The following NCALD variants were observed in gnomAD, a reference collection of about 807,000 sequenced individuals.
The protein encoded by NCALD is neurocalcin delta.
Under a neutral mutation model 18.6 loss-of-function variants are expected in NCALD, and 10 were observed. That is an observed-to-expected ratio of 0.54 (90% CI 0.33 to 0.91). NCALD has a LOEUF of 0.91. Ranked by LOEUF, NCALD falls within the 40% of genes least tolerant of loss-of-function variation. The probability of loss-of-function intolerance (pLI) is 0.03; values close to 1 mark genes in which losing one functional copy is unlikely to be tolerated. For missense variants in NCALD, 184 were observed against 247.6 expected, an observed-to-expected ratio of 0.74 and a Z score of 1.72; for synonymous variants, 88 against 87.4, an observed-to-expected ratio of 1.01 and a Z score of -0.04.
intron 3 of NCALD, chr8:101,691,432 A>C: frequency 5.1e-6 from 5 of 985,284 alleles, no homozygotes; most frequent in Non-Finnish European, 6.0e-6. Context: ...GCCTGTGATC[A>C]ACACACAGTT....
chr8:102,068,940 A>ACACTG (rs1397077304), intron 1 of NCALD, among the ~76,000 whole-genome samples: 1 of 152,204 alleles, frequency 6.6e-6, no homozygotes, highest in African/African-American at 2.4e-5. Context: ...AGAAAGACAT[A>ACACTG]CACTGCATCA....
chr8:102,086,450 A>G (rs1824739974), intron 1 of NCALD, among the ~76,000 whole-genome samples: 1 of 152,176 alleles, frequency 6.6e-6, no homozygotes, highest in African/African-American at 2.4e-5. Context: ...AGACACATCT[A>G]TACCATCATT....
At chr8:101,989,855 AAGAAAAAG>A (rs1820974977) in intron 2 of NCALD, among the ~76,000 whole-genome samples, 3 of 152,238 alleles carry the variant, frequency 2.0e-5, no homozygotes, top group Admixed American at 6.5e-5. Context: ...CAGAAATGAT[AAGAAAAAG>A]AATTTGCATT....
chr8:101,863,272 G>T (rs1815620649), intron 4 of NCALD, among the ~76,000 whole-genome samples: 1 of 152,110 alleles, frequency 6.6e-6, no homozygotes, highest in African/African-American at 2.4e-5. Flanking sequence ...TATCAACCTT[G>T]GGGTTTTTCT....
intron 2 of NCALD, among the ~76,000 whole-genome samples, chr8:101,949,209 C>A (rs998628099): frequency 1.3e-5 from 2 of 152,098 alleles, no homozygotes; most frequent in African/African-American, 4.8e-5. Flanking sequence ...CTTTAATTTA[C>A]CCCACAATCC....
At chr8:101,834,374 T>C (rs1448939330) in intron 4 of NCALD, among the ~76,000 whole-genome samples, 2 of 152,232 alleles carry the variant, frequency 1.3e-5, no homozygotes, top group Admixed American at 6.5e-5. Flanking sequence ...CGAGCCAGGC[T>C]TCACGTGAAG....
chr8:101,958,577 C>T (rs926623943), intron 2 of NCALD, among the ~76,000 whole-genome samples: 1 of 152,188 alleles, frequency 6.6e-6, no homozygotes, highest in Admixed American at 6.5e-5. Flanking sequence ...TTGCCATATG[C>T]CAGAACCTGT....
chr8:101,739,275 A>AC (rs888371542), intron 1 of NCALD, among the ~76,000 whole-genome samples: 15 of 150,320 alleles, frequency 1.0e-4, no homozygotes, highest in Non-Finnish European at 1.8e-4. Context: ...GTCCTCTCTT[A>AC]CCCCCCCAGT....
At chr8:101,876,105 G>C (rs1003537157) in intron 4 of NCALD, among the ~76,000 whole-genome samples, 1 of 152,172 alleles carries the variant, frequency 6.6e-6, no homozygotes, top group Admixed American at 6.5e-5. Flanking sequence ...GTCAAGCTAG[G>C]ATGACTGTGG....
chr8:101,824,107 C>T (rs75642180), intron 4 of NCALD, among the ~76,000 whole-genome samples: 2,362 of 152,266 alleles, frequency 0.016, 91 homozygotes, highest in East Asian at 0.12. Flanking sequence ...AAGGGAAGAA[C>T]AAAATACCTC....
intron 4 of NCALD, among the ~76,000 whole-genome samples, chr8:101,806,968 C>T (rs867783081): frequency 2.3e-4 from 35 of 151,780 alleles, no homozygotes; most frequent in African/African-American, 8.0e-4. Flanking sequence ...ACTGACTTAG[C>T]AGAAACAATG....
intron 4 of NCALD, among the ~76,000 whole-genome samples, chr8:101,882,398 A>G (rs2131465221): frequency 6.6e-6 from 1 of 152,260 alleles, no homozygotes; most frequent in Middle Eastern, 3.4e-3. Flanking sequence ...CCCTTCCACC[A>G]TAGGAGGATA....
chr8:102,115,758 G>A (rs1825762828), intron 1 of NCALD, among the ~76,000 whole-genome samples: 1 of 152,198 alleles, frequency 6.6e-6, no homozygotes, highest in South Asian at 2.1e-4. Flanking sequence ...TTTCCTGAAA[G>A]ACTCCAGCAT....
At chr8:101,962,331 T>A (rs1819865239) in intron 2 of NCALD, among the ~76,000 whole-genome samples, 1 of 152,204 alleles carries the variant, frequency 6.6e-6, no homozygotes, top group African/African-American at 2.4e-5. Context: ...AAATATATGA[T>A]CTATCTACAA....
intron 1 of NCALD, among the ~76,000 whole-genome samples, chr8:101,754,411 C>G (rs1323687751): frequency 6.6e-6 from 1 of 152,106 alleles, no homozygotes; most frequent in Non-Finnish European, 1.5e-5. Context: ...ATTTATTCCT[C>G]ACAGTTCTGG....
At chr8:102,122,036 T>C (rs549191395) in intron 1 of NCALD, among the ~76,000 whole-genome samples, 2 of 152,336 alleles carry the variant, frequency 1.3e-5, no homozygotes, top group South Asian at 4.1e-4. Context: ...GATACATAGA[T>C]ACATAGATAA....
At chr8:101,981,971 A>G (rs1820635177) in intron 2 of NCALD, among the ~76,000 whole-genome samples, 1 of 152,156 alleles carries the variant, frequency 6.6e-6, no homozygotes, top group Non-Finnish European at 1.5e-5. Flanking sequence ...CCTCCTTGTG[A>G]TAATGAGTGA....
chr8:101,743,055 TA>T (rs1439843588), intron 1 of NCALD, among the ~76,000 whole-genome samples: 1 of 152,200 alleles, frequency 6.6e-6, no homozygotes, highest in Non-Finnish European at 1.5e-5. Context: ...ACATATGTAT[TA>T]AAGAGTGTAT....
intron 1 of NCALD, among the ~76,000 whole-genome samples, chr8:102,099,628 A>T (rs1025602028): frequency 1.1e-4 from 7 of 65,132 alleles, no homozygotes; most frequent in South Asian, 4.4e-4. Context: ...TGTCATTAAT[A>T]AAAAAAAAAA....
Sources: gnomAD v4.1 joint callset for allele counts (sites outside exome capture counted in the v4.1 genomes callset) on GRCh38, gnomAD v4.1.1 for gene constraint, MANE v1.5 for transcripts, NCBI Gene and HGNC (gene_info 2026-07-23, HGNC 2026-07-21) for gene names.